EIF6: variants seen among roughly 807,000 people sequenced by gnomAD.
The protein encoded by EIF6 is eukaryotic translation initiation factor 6.
In EIF6, 10 loss-of-function variants were observed where a neutral mutation model predicts 25.5. The ratio of observed to expected loss-of-function variants is 0.39; its 90% CI spans 0.24 to 0.66. The LOEUF (loss-of-function observed/expected upper bound fraction) is 0.66. Ranked by LOEUF, EIF6 falls within the 30% of genes least tolerant of loss-of-function variation. The pLI is 0.45. For synonymous variants in EIF6, 122 were observed against 122.6 expected, an observed-to-expected ratio of 1.00 and a Z score of 0.03; for missense variants, 246 against 315.4, an observed-to-expected ratio of 0.78 and a Z score of 1.67.
intron 6 of EIF6, 101 bp from the exon 7 acceptor site, chr20:35,279,307 G>T: frequency 1.3e-6 from 2 of 1,498,742 alleles, no homozygotes; most frequent in South Asian, 1.2e-5. Flanking sequence ...GACCAGCTCT[G>T]ACAAGCTGCT....
At chr20:35,282,876 G>C (rs985475098) in intron 3 of EIF6, among the ~76,000 whole-genome samples, 2 of 151,888 alleles carry the variant, frequency 1.3e-5, no homozygotes, top group Non-Finnish European at 2.9e-5. Context: ...TCCCAAGCAG[G>C]CTTAAGATTT....
At position 35,279,165 on chromosome 20, in the gene EIF6, C is replaced by A. The variant is rs1439137418; in HGVS notation, c.*32G>T. On this transcript the variant is annotated 3_prime_UTR_variant, in exon 7 of 7. Transcript: ENST00000374450. ...GGAGAAGGTTGGCCACAGTCCAGAG[C>A]CAGGAGCCCATGGAACAACTTGGAA... 1.9e-6 allele frequency: 3 copies of A among 1,613,746 alleles called. No individual in the cohort carries two copies. The highest frequency in any genetic ancestry group is 2.5e-6 in the Non-Finnish European group (3 of 1,179,852).
Position 35,279,955 on chromosome 20 carries a change from TGAA to T in EIF6, c.530_532del (p.Leu177del). The T allele has an allele frequency of 6.2e-7, 1 of 1,613,938 alleles. No homozygotes were observed. Among genetic ancestry groups the T allele is most frequent in the Non-Finnish European group, 8.5e-7 (1 of 1,179,898 alleles). On this transcript the variant is annotated inframe_deletion, in exon 5 of 7. Coordinates refer to ENST00000374450, the MANE Select transcript of EIF6 (RefSeq NM_002212.4). ...AGGAATGCTTACCACAAGGGGGACT[TGAA>T]GAAGAGAGGACAGCTCATCCTGGTC...
chr20:35,281,788 G>A (rs1238697658), intron 3 of EIF6, among the ~76,000 whole-genome samples: 1 of 152,044 alleles, frequency 6.6e-6, no homozygotes, highest in Non-Finnish European at 1.5e-5. Flanking sequence ...CCAAGTGTTG[G>A]CAAAGATATA....
intron 3 of EIF6, among the ~76,000 whole-genome samples, chr20:35,281,179 G>T (rs1306293214): frequency 6.6e-6 from 1 of 152,100 alleles, no homozygotes; most frequent in East Asian, 1.9e-4. Flanking sequence ...AGGAGATCGA[G>T]ATCGAGATCA....
intron 3 of EIF6, among the ~76,000 whole-genome samples, chr20:35,282,223 T>C (rs1475747514): frequency 1.3e-5 from 2 of 152,042 alleles, no homozygotes; most frequent in Non-Finnish European, 2.9e-5. Context: ...TCTCCCGACC[T>C]CGTGATCCGC....
At chr20:35,283,294 A>T (rs180706374) in intron 3 of EIF6, among the ~76,000 whole-genome samples, 2,245 of 143,470 alleles carry the variant, frequency 0.016, 21 homozygotes, top group Middle Eastern at 0.021. Context: ...TCTCAAAAAA[A>T]AATAATAATA....
intron 3 of EIF6, among the ~76,000 whole-genome samples, chr20:35,281,886 T>C (rs2060778486): frequency 6.6e-6 from 1 of 152,104 alleles, no homozygotes; most frequent in African/African-American, 2.4e-5. Flanking sequence ...CAACTACTAC[T>C]AAATAGTCAC....
chr20:35,279,991 G>C lies in EIF6; in HGVS notation c.497C>G (p.Ser166Ter). 1.9e-6 allele frequency: 3 copies of C among 1,614,190 alleles called. No homozygotes were observed. Among genetic ancestry groups the C allele is most frequent in the Non-Finnish European group, 2.5e-6 (3 of 1,180,038 alleles). Residue 166 changes from serine to a stop codon, truncating the protein, a stop_gained, in exon 5 of 7, where the codon TCA (serine) becomes TGA (stop). Coordinates refer to ENST00000374450, the MANE Select transcript of EIF6 (RefSeq NM_002212.4). LOFTEE classifies it high-confidence loss of function. ...GGACAGCTCATCCTGGTCTTCAATTGAAGTCTTGGGATGCACCAGCCCTCC... is the reference window on the plus strand; with the variant it reads ...GGACAGCTCATCCTGGTCTTCAATTCAAGTCTTGGGATGCACCAGCCCTCC... ...NQGGLVHPKT[S>*]IEDQDELSSL...
chr20:35,283,591 G>A (rs539369687), intron 3 of EIF6, among the ~76,000 whole-genome samples: 2 of 152,254 alleles, frequency 1.3e-5, no homozygotes, highest in Admixed American at 6.5e-5. Flanking sequence ...CTTGAGCCCA[G>A]GAGATCAAGG....
At chr20:35,281,299 T>C (rs1361651972) in intron 3 of EIF6, among the ~76,000 whole-genome samples, 1 of 149,364 alleles carries the variant, frequency 6.7e-6, no homozygotes, top group Non-Finnish European at 1.5e-5. Flanking sequence ...GGCAGGAGAA[T>C]GGCGTGAACC....
intron 3 of EIF6, among the ~76,000 whole-genome samples, chr20:35,282,031 C>T (rs1190620061): frequency 6.6e-6 from 1 of 150,890 alleles, no homozygotes; most frequent in Non-Finnish European, 1.5e-5. Context: ...TTCTGTTGCC[C>T]AGGCTGGAGT....
At chr20:35,283,597 C>A (rs1412620137) in intron 3 of EIF6, among the ~76,000 whole-genome samples, 1 of 152,056 alleles carries the variant, frequency 6.6e-6, no homozygotes, top group African/African-American at 2.4e-5. Flanking sequence ...CCCAGGAGAT[C>A]AAGGCCAGGC....
chr20:35,284,349 C>G, intron 2 of EIF6, 32 bp downstream of exon 2: 1 of 1,613,806 alleles, frequency 6.2e-7, no homozygotes, highest in Admixed American at 1.7e-5. Flanking sequence ...CACGCCTCCC[C>G]GCCACCGTAA....
At chr20:35,283,036 A>G (rs2060790036) in intron 3 of EIF6, among the ~76,000 whole-genome samples, 1 of 152,200 alleles carries the variant, frequency 6.6e-6, no homozygotes, top group African/African-American at 2.4e-5. Context: ...TCACGCCTGT[A>G]ATCCCAGCAC....
chr20:35,280,672 G>T lies in EIF6; in HGVS notation c.351C>A (p.Val117=). The stretch of plus-strand genomic sequence containing the variant: ...GCCTCACCCTGTCCAAGTCTGGGTG[G>T]ACCAAGGCCACGTAGTCATTGCAGG... ...VTTCNDYVAL[V]HPDLDRETEE... Residue 117 remains valine, a synonymous_variant, in exon 4 of 7, where the codon GTC becomes GTA. Transcript: ENST00000374450. 1.2e-6 allele frequency: 2 copies of T among 1,613,520 alleles called. No individual in the cohort carries two copies. The highest frequency in any genetic ancestry group is 1.3e-5 in the African/African-American group (1 of 75,028).
At position 35,280,266 on chromosome 20, in the gene EIF6, G is replaced by A. The variant is rs1287286833; in HGVS notation, c.370-148C>T. On this transcript the variant is annotated intron_variant, in intron 4 of 6. Transcript: ENST00000374450. ...ATGAAAGCCTCACCCAGAGAAAGGA[G>A]GAAGTACAGCTTAGAGCAGAGTCAA... The A allele has an allele frequency of 1.2e-5, 11 of 904,752 alleles. No individual in the cohort carries two copies. In the East Asian group the frequency reaches 2.8e-4, roughly 23 times the overall value. The allele number at this position is 904,752 out of a possible 1,614,324, so 56.0% of individuals were successfully genotyped here.
Position 35,279,595 on chromosome 20 carries a change from G to A in EIF6, c.699C>T (p.Ala233=), listed in dbSNP as rs763772000. The A allele has an allele frequency of 1.9e-5, 31 of 1,614,024 alleles. No individual in the cohort carries two copies. Among genetic ancestry groups the A allele is most frequent in the Non-Finnish European group, 2.5e-5 (30 of 1,180,042 alleles). The part of the protein sequence containing the change: ...KLNEAQPSTI[A]TSMRDSLIDS... ...CAATGAGGGAATCCCGCATGCTGGTGGCAATGGTGCTAGGCTGGGCTTCAT... is the reference window on the plus strand; with the variant it reads ...CAATGAGGGAATCCCGCATGCTGGTAGCAATGGTGCTAGGCTGGGCTTCAT... Residue 233 remains alanine (A), a synonymous_variant, in exon 6 of 7, where the codon GCC becomes GCT. Transcript: ENST00000374450.
At chr20:35,281,038 A>T (rs1014847216) in intron 3 of EIF6, among the ~76,000 whole-genome samples, 8 of 152,108 alleles carry the variant, frequency 5.3e-5, no homozygotes, top group Admixed American at 2.6e-4. Flanking sequence ...CACCATCACC[A>T]ACTGGGAGGG....
Sources: allele counts gnomAD v4.1 joint callset (sites outside exome capture counted in the v4.1 genomes callset), GRCh38; gene constraint gnomAD v4.1.1; transcripts MANE v1.5; gene names NCBI Gene and HGNC (gene_info 2026-07-23, HGNC 2026-07-21).